The following EYA3 variants were observed in gnomAD, a reference collection of about 807,000 sequenced individuals.
EYA3 encodes the protein protein phosphatase EYA3.
In EYA3, 39 loss-of-function variants were observed where a neutral mutation model predicts 80.0. The ratio of observed to expected loss-of-function variants is 0.49; its 90% CI spans 0.38 to 0.64. EYA3 has a LOEUF of 0.64. Ranked by LOEUF, EYA3 falls within the 30% of genes least tolerant of loss-of-function variation. The pLI, the probability that EYA3 is intolerant of heterozygous loss-of-function variation, is 0.00. For synonymous variants in EYA3, 206 were observed against 232.8 expected, an observed-to-expected ratio of 0.88 and a Z score of 1.05; for missense variants, 523 against 676.1, an observed-to-expected ratio of 0.77 and a Z score of 2.51.
At chr1:27,988,314 T>C (rs1639803223) in intron 16 of EYA3, among the ~76,000 whole-genome samples, 1 of 152,182 alleles carries the variant, frequency 6.6e-6, no homozygotes, top group Admixed American at 6.5e-5. Flanking sequence ...TCAAATATTA[T>C]CAAAGAGCAT....
At chr1:28,017,884 A>G (rs1226957863) in intron 7 of EYA3, among the ~76,000 whole-genome samples, 1 of 152,200 alleles carries the variant, frequency 6.6e-6, no homozygotes, top group African/African-American at 2.4e-5. Context: ...TGTACCTTAT[A>G]TGATACTTGG....
At chr1:28,031,355 C>A (rs1643128407) in intron 6 of EYA3, among the ~76,000 whole-genome samples, 1 of 152,168 alleles carries the variant, frequency 6.6e-6, no homozygotes, top group Non-Finnish European at 1.5e-5. Context: ...TCATAGTAAA[C>A]AAGGAAACCA....
At chr1:27,980,257 T>A (rs1371874763) in intron 16 of EYA3, among the ~76,000 whole-genome samples, 2 of 152,238 alleles carry the variant, frequency 1.3e-5, no homozygotes, top group Non-Finnish European at 2.9e-5. Flanking sequence ...TCTTATTATG[T>A]TCATGGTGTT....
intron 6 of EYA3, among the ~76,000 whole-genome samples, chr1:28,033,847 A>T (rs1435846315): frequency 1.3e-5 from 2 of 150,894 alleles, no homozygotes; most frequent in Non-Finnish European, 3.0e-5. Flanking sequence ...TTTAATAGAA[A>T]CAGGGTTTCA....
chr1:27,997,517 TCA>T (rs1640545305), intron 12 of EYA3, 139 bp from the exon 13 acceptor site: 1 of 736,078 alleles, frequency 1.4e-6, no homozygotes, highest in Non-Finnish European at 2.4e-6. Flanking sequence ...GTGATCACTC[TCA>T]CACCCCTTGC....
chr1:27,977,417 G>A (rs1638991686), intron 17 of EYA3: 1 of 1,546,568 alleles, frequency 6.5e-7, no homozygotes, highest in Non-Finnish European at 8.7e-7. Context: ...GGGATAGGGA[G>A]GGAAAGAACT....
intron 5 of EYA3, among the ~76,000 whole-genome samples, chr1:28,036,002 A>G (rs957839898): frequency 2.6e-5 from 4 of 152,174 alleles, no homozygotes; most frequent in Non-Finnish European, 5.9e-5. Context: ...TTTAGTAGAG[A>G]CGGTGTTTCA....
At chr1:27,985,100 C>A (rs1282839726) in intron 16 of EYA3, among the ~76,000 whole-genome samples, 2 of 151,982 alleles carry the variant, frequency 1.3e-5, no homozygotes, top group East Asian at 3.8e-4. Context: ...TTTTTTGAGA[C>A]AGGGTCTCAC....
chr1:28,032,438 T>A (rs1643203798), intron 6 of EYA3, among the ~76,000 whole-genome samples: 1 of 152,174 alleles, frequency 6.6e-6, no homozygotes, highest in African/African-American at 2.4e-5. Flanking sequence ...TGTGGGTATC[T>A]CTAATTAGTT....
intron 1 of EYA3, among the ~76,000 whole-genome samples, chr1:28,084,586 TA>T (rs1557659778): frequency 1.7e-3 from 32 of 18,366 alleles, no homozygotes; most frequent in African/African-American, 2.5e-3. Context: ...TATATATATA[TA>T]TATATATATT....
chr1:28,073,127 A>ATATATATATATTTTTTTTT (rs1553157671), intron 1 of EYA3, among the ~76,000 whole-genome samples: 1 of 14,998 alleles, frequency 6.7e-5, no homozygotes, highest in Admixed American at 7.2e-4. Context: ...ATATATATAT[A>ATATATATATATTTTTTTTT]TTTTTTTTTT....
At chr1:28,086,114 C>T (rs1222382588) in intron 1 of EYA3, among the ~76,000 whole-genome samples, 1 of 152,066 alleles carries the variant, frequency 6.6e-6, no homozygotes, top group Admixed American at 6.6e-5. Context: ...TTGTGCTTTC[C>T]AGCCTACAGC....
intron 16 of EYA3, among the ~76,000 whole-genome samples, chr1:27,985,658 C>T (rs1485546229): frequency 2.0e-5 from 3 of 151,964 alleles, no homozygotes; most frequent in Admixed American, 1.3e-4. Flanking sequence ...CTCGGCTTAC[C>T]GCAACCTCCA....
intron 1 of EYA3, among the ~76,000 whole-genome samples, chr1:28,059,081 C>A (rs555640514): frequency 2.0e-5 from 3 of 152,264 alleles, no homozygotes; most frequent in Admixed American, 1.3e-4. Context: ...TGAAAATAGA[C>A]AAATAACAAG....
intron 17 of EYA3, 81 bp downstream of exon 17, chr1:27,978,293 T>G (rs1220018613): frequency 4.1e-6 from 4 of 984,430 alleles, no homozygotes; most frequent in Admixed American, 2.0e-5. Context: ...CATAATAGAT[T>G]GCTAAGATTT....
intron 1 of EYA3, among the ~76,000 whole-genome samples, chr1:28,086,486 A>C (rs1645658202): frequency 6.6e-6 from 1 of 152,202 alleles, no homozygotes; most frequent in African/African-American, 2.4e-5. Context: ...GCCAGACCTA[A>C]ACCCTAATTT....
rs575608160 is a variant in EYA3, at chr1:28,058,203, AG to A, written c.-68-110del. 25 of 437,910 alleles carry A rather than the reference AG, an allele frequency of 5.7e-5. No homozygotes were observed. In the South Asian group the frequency reaches 1.4e-3, roughly 24 times the overall value. The allele number at this position is 437,910 out of a possible 1,614,324, so 27.1% of individuals were successfully genotyped here. On this transcript the variant is annotated intron_variant, in intron 1 of 17. Transcript: ENST00000373871. Reference sequence around the variant, plus strand: ...CTTGCTACCCCAAGCTTTCTACGTGAGTTCCAATCACAAAATCTCAAACCTG... The same window carrying A: ...CTTGCTACCCCAAGCTTTCTACGTGATTCCAATCACAAAATCTCAAACCTG...
At chr1:27,985,573 T>C (rs1469312672) in intron 16 of EYA3, among the ~76,000 whole-genome samples, 1 of 152,160 alleles carries the variant, frequency 6.6e-6, no homozygotes, top group Non-Finnish European at 1.5e-5. Flanking sequence ...TTCTTCTCTA[T>C]CTCTACTCAC....
At position 27,997,848 on chromosome 1, in the gene EYA3, G is replaced by A. The variant is rs140470631; in HGVS notation, c.1084-470C>T. On this transcript the variant is annotated intron_variant, in intron 12 of 17. Transcript: ENST00000373871. ...ACGCTGGTAGTGTGGTATCAAAACC[G>A]AGAATGACTGAAATTTCTAACTTCA... 5.7e-4 allele frequency among the ~76,000 whole-genome samples: 87 copies of A among 152,262 alleles called. No individual in the cohort carries two copies. The Middle Eastern group carries it at 0.014, about 24-fold the overall frequency.
Sources: allele counts gnomAD v4.1 joint callset (sites outside exome capture counted in the v4.1 genomes callset), GRCh38; gene constraint gnomAD v4.1.1; transcripts MANE v1.5; gene names NCBI Gene and HGNC (gene_info 2026-07-23, HGNC 2026-07-21).